RFX6: variants seen among roughly 807,000 people sequenced by gnomAD.
The protein encoded by RFX6 is DNA-binding protein RFX6.
Under a neutral mutation model 110.8 loss-of-function variants are expected in RFX6, and 50 were observed. The observed-to-expected ratio is 0.45, with a 90% CI of 0.36 to 0.57. The LOEUF is 0.57. Among genes scored for constraint, RFX6 ranks in the 20% least tolerant of loss-of-function variants. The probability of loss-of-function intolerance (pLI) is 0.00; values close to 1 mark genes in which losing one functional copy is unlikely to be tolerated. For synonymous variants in RFX6, 383 were observed against 411.2 expected, an observed-to-expected ratio of 0.93 and a Z score of 0.83; for missense variants, 990 against 1,127.0, an observed-to-expected ratio of 0.88 and a Z score of 1.74.
chr6:116,883,587 G>A (rs747967279), intron 4 of RFX6, among the ~76,000 whole-genome samples: 11 of 151,768 alleles, frequency 7.2e-5, no homozygotes, highest in East Asian at 3.9e-4. Flanking sequence ...ATTATTAATC[G>A]GATATTTTAC....
At chr6:116,878,111 T>C (rs895201339) in intron 2 of RFX6, among the ~76,000 whole-genome samples, 159 bp downstream of exon 2, 1 of 152,216 alleles carries the variant, frequency 6.6e-6, no homozygotes, top group Non-Finnish European at 1.5e-5. Context: ...TCACTGAATT[T>C]TTAGTATAGA....
At chr6:116,895,677 C>CAT (rs56020749) in intron 6 of RFX6, among the ~76,000 whole-genome samples, 13 of 150,228 alleles carry the variant, frequency 8.7e-5, no homozygotes, top group Non-Finnish European at 1.9e-4. Flanking sequence ...CACACACACA[C>CAT]GTATACAATC....
intron 4 of RFX6, among the ~76,000 whole-genome samples, chr6:116,887,103 CA>C (rs575664443): frequency 1.3e-5 from 2 of 151,702 alleles, no homozygotes; most frequent in African/African-American, 4.8e-5. Flanking sequence ...AATAATAAAA[CA>C]AAAAAATCTA....
In RFX6 at chr6:116,923,182, C is replaced by A. The variant is rs764315657; in HGVS notation, c.1513C>A (p.Arg505=). 5 of 1,597,538 alleles carry A rather than the reference C, an allele frequency of 3.1e-6. No individual in the cohort carries two copies. The highest frequency in any genetic ancestry group is 4.3e-6 in the Non-Finnish European group (5 of 1,165,162). The change falls in exon 14 of 19, where the codon CGA becomes AGA. Residue 505 remains arginine, a synonymous_variant. Coordinates refer to ENST00000332958, the MANE Select transcript of RFX6 (RefSeq NM_173560.4). ...GTTAAAGTGGAGTTTTTTTGGTGCT[C>A]GAGTAATGCATAATCTCACCTTGAA... ...FLLKWSFFGA[R]VMHNLTLNNA... is the part of the protein sequence containing the mutation.
chr6:116,908,405 T>C (rs1048662624), intron 6 of RFX6, among the ~76,000 whole-genome samples: 2 of 152,098 alleles, frequency 1.3e-5, no homozygotes, highest in African/African-American at 2.4e-5. Flanking sequence ...TTTGTTTTAG[T>C]TTTTCAATGA....
intron 7 of RFX6, among the ~76,000 whole-genome samples, chr6:116,915,027 A>G (rs1286588447): frequency 1.3e-5 from 2 of 152,222 alleles, no homozygotes; most frequent in Non-Finnish European, 2.9e-5. Context: ...ATCTGAAGGC[A>G]AAGCTCACAC....
In RFX6 at chr6:116,923,164, T is replaced by G. The variant is rs1439762567; in HGVS notation, c.1495T>G (p.Trp499Gly). The G allele has an allele frequency of 6.2e-7, 1 of 1,610,924 alleles. No individual in the cohort carries two copies. Among genetic ancestry groups the G allele is most frequent in the African/African-American group, 1.3e-5 (1 of 74,964 alleles). ...KKRAQDFLLK[W>G]SFFGARVMHN... ...GAGAGCTCAAGACTTTCTGTTAAAG[T>G]GGAGTTTTTTTGGTGCTCGAGTAAT... Residue 499 changes from tryptophan (W) to glycine (G), a missense_variant, in exon 14 of 19, where the codon TGG becomes GGG. Trp to Gly is a radical substitution (Grantham distance 184). Around this residue, in one of 5 missense-constraint regions of RFX6, gnomAD observed 89 missense variants for 140.3 expected, o/e 0.63. Coordinates refer to ENST00000332958, the MANE Select transcript of RFX6 (RefSeq NM_173560.4).
chr6:116,898,645 T>A (rs1485406517), intron 6 of RFX6, among the ~76,000 whole-genome samples: 1 of 152,148 alleles, frequency 6.6e-6, no homozygotes, highest in African/African-American at 2.4e-5. Flanking sequence ...GAATTGGCCC[T>A]AGAGAGGAGG....
At chr6:116,930,274 G>C (rs1048569102) in intron 18 of RFX6, among the ~76,000 whole-genome samples, 2 of 141,276 alleles carry the variant, frequency 1.4e-5, no homozygotes, top group South Asian at 2.6e-4. Flanking sequence ...TATAAAGCCT[G>C]GTTCTTAGAC....
At chr6:116,906,933 C>CT (rs772001714) in intron 6 of RFX6, among the ~76,000 whole-genome samples, 19 of 150,892 alleles carry the variant, frequency 1.3e-4, no homozygotes, top group Non-Finnish European at 2.2e-4. Context: ...TGAAAGCAGA[C>CT]TTGCTTTGTT....
chr6:116,929,820 G>A (rs572458584), intron 18 of RFX6, among the ~76,000 whole-genome samples: 9 of 152,262 alleles, frequency 5.9e-5, no homozygotes, highest in African/African-American at 1.4e-4. Context: ...GCATTGACAC[G>A]CAACCAGAGC....
chr6:116,877,684 C>A, intron 1 of RFX6, 112 bp from the exon 2 acceptor site: 1 of 1,138,636 alleles, frequency 8.8e-7, no homozygotes. Context: ...CCCTTTCCTC[C>A]CCTCCGCCCC....
chr6:116,931,734 C>T lies in RFX6; in HGVS notation c.*228C>T, dbSNP rs1214103207. The T allele has an allele frequency of 9.2e-6, 4 of 433,572 alleles. No homozygotes were observed. Among genetic ancestry groups the T allele is most frequent in the Non-Finnish European group, 1.6e-5 (4 of 244,748 alleles). 26.9% of individuals were successfully genotyped at this position (433,572 alleles called of 1,614,324 possible). ...GTGAGCTCATTATTAATCATAGTTTCAAAATTATCAAATAAAACCAGTGAA... is the reference window on the plus strand; with the variant it reads ...GTGAGCTCATTATTAATCATAGTTTTAAAATTATCAAATAAAACCAGTGAA... On this transcript the variant is annotated 3_prime_UTR_variant, in exon 19 of 19. Coordinates refer to ENST00000332958, the MANE Select transcript of RFX6 (RefSeq NM_173560.4).
intron 6 of RFX6, among the ~76,000 whole-genome samples, chr6:116,895,645 T>TACACACAC (rs146991192): frequency 0.01 from 1,530 of 147,916 alleles, 23 homozygotes; most frequent in African/African-American, 0.032. Flanking sequence ...CTACTTTGTG[T>TACACACAC]ACACACACAC....
rs766273907 is a variant in RFX6, at chr6:116,877,338, C to G, written c.63C>G (p.Ser21=). The stretch of plus-strand genomic sequence containing the variant: ...AGGCGCAGCCTGCGCCCCAACTGTC[C>G]CCGGGGATCCAGGAAGACTGCTGTG... ...FLQAQPAPQL[S]PGIQEDCCVQ... The change falls in exon 1 of 19, where the codon TCC becomes TCG. Residue 21 remains serine, a synonymous_variant. Transcript: ENST00000332958. The G allele has an allele frequency of 1.9e-6, 3 of 1,612,840 alleles. No individual in the cohort carries two copies. The highest frequency in any genetic ancestry group is 2.2e-5 in the South Asian group (2 of 90,836).
rs922321475 is a variant in RFX6, at chr6:116,877,695, C to T, written c.224-101C>T. ...GCCCCCCTTTCCTCCCCTCCGCCCCCACCCCAGTAGGCTACTCCTTTGAAG... is the reference window on the plus strand; with the variant it reads ...GCCCCCCTTTCCTCCCCTCCGCCCCTACCCCAGTAGGCTACTCCTTTGAAG... On this transcript the variant is annotated intron_variant, in intron 1 of 18. Coordinates refer to ENST00000332958, the MANE Select transcript of RFX6 (RefSeq NM_173560.4). 2.3e-5 allele frequency: 28 copies of T among 1,229,652 alleles called. No individual in the cohort carries two copies. The Middle Eastern group carries it at 5.7e-4, about 25-fold the overall frequency. 76.2% of individuals were successfully genotyped at this position (1,229,652 alleles called of 1,614,324 possible). A position where few individuals can be genotyped will look rare whatever the true frequency, so the allele number is the denominator to read the frequency against.
intron 9 of RFX6, among the ~76,000 whole-genome samples, chr6:116,917,521 A>G (rs1345842347): frequency 1.3e-5 from 2 of 152,164 alleles, no homozygotes; most frequent in African/African-American, 2.4e-5. Context: ...CATCAGACCA[A>G]AGCTTTTTGG....
chr6:116,916,413 T>C (rs1008689780), intron 9 of RFX6, 99 bp downstream of exon 9: 25 of 810,088 alleles, frequency 3.1e-5, no homozygotes, highest in African/African-American at 6.8e-5. Flanking sequence ...ATGTTATTTA[T>C]GGCTGGATAT....
At chr6:116,885,723 T>C (rs1774687278) in intron 4 of RFX6, among the ~76,000 whole-genome samples, 1 of 152,144 alleles carries the variant, frequency 6.6e-6, no homozygotes, top group African/African-American at 2.4e-5. Context: ...TTATTAAGTT[T>C]TTTTTTAACA....
Sources: gnomAD v4.1 joint callset for allele counts (sites outside exome capture counted in the v4.1 genomes callset) on GRCh38, gnomAD v4.1.1 for gene constraint, gnomAD v4.1.1 regional missense constraint, MANE v1.5 for transcripts, NCBI Gene and HGNC (gene_info 2026-07-23, HGNC 2026-07-21) for gene names.